FAM219A: variants seen among roughly 807,000 people sequenced by gnomAD.
FAM219A encodes family with sequence similarity 219 member A.
Under a neutral mutation model 23.4 loss-of-function variants are expected in FAM219A, and 7 were observed. The ratio of observed to expected loss-of-function variants is 0.30; its 90% confidence interval spans 0.17 to 0.56. The LOEUF (loss-of-function observed/expected upper bound fraction) is 0.56. Among genes scored for constraint, FAM219A ranks in the 20% least tolerant of loss-of-function variants. The pLI is 0.92. For missense variants in FAM219A, 166 were observed against 246.9 expected (o/e 0.67, Z 2.20); for synonymous variants, 93 against 99.0 (o/e 0.94, Z 0.36).
intron 1 of FAM219A, among the ~76,000 whole-genome samples, chr9:34,447,011 C>T (rs914664670): frequency 2.6e-5 from 4 of 152,188 alleles, no homozygotes; most frequent in African/African-American, 9.7e-5. Flanking sequence ...AGCACTAGCT[C>T]GCTTTAAAGG....
rs115327522 is a variant in FAM219A, at chr9:34,416,916, C to T, written c.61-10952G>A. Among the ~76,000 whole-genome samples, 737 of 149,590 alleles carry T rather than the reference C, an allele frequency of 4.9e-3. 6 individuals carry two copies. The highest frequency in any genetic ancestry group is 0.017 in the African/African-American group (694 of 40,582). ...AATCATAGCTTACTACAGCCTTGAA[C>T]TCCTGGACTCAAGTGATCCTACTAC... On this transcript the variant is annotated intron_variant, in intron 1 of 5. Coordinates refer to ENST00000651358, the MANE Select transcript of FAM219A (RefSeq NM_001184940.2).
intron 1 of FAM219A, among the ~76,000 whole-genome samples, chr9:34,443,561 C>T (rs886428269): frequency 1.3e-4 from 20 of 152,212 alleles, no homozygotes; most frequent in African/African-American, 4.8e-4. Flanking sequence ...ATCATCAACC[C>T]TTAGACCAGA....
At chr9:34,426,858 G>C (rs916427850) in intron 1 of FAM219A, among the ~76,000 whole-genome samples, 1 of 152,138 alleles carries the variant, frequency 6.6e-6, no homozygotes, top group African/African-American at 2.4e-5. Flanking sequence ...GTGATCCCCA[G>C]GTTGGGGCTA....
At chr9:34,441,112 C>G (rs1823155784) in intron 1 of FAM219A, among the ~76,000 whole-genome samples, 1 of 152,172 alleles carries the variant, frequency 6.6e-6, no homozygotes, top group East Asian at 1.9e-4. Flanking sequence ...TCCCTTCCCC[C>G]AACCTCTCCC....
At chr9:34,410,695 G>T (rs947587705) in intron 1 of FAM219A, among the ~76,000 whole-genome samples, 4 of 151,114 alleles carry the variant, frequency 2.6e-5, no homozygotes, top group Admixed American at 6.6e-5. Context: ...GTGCCAAGGG[G>T]ATGCTCTGAC....
chr9:34,405,809 A>G, intron 2 of FAM219A, 56 bp downstream of exon 2: 1 of 1,545,074 alleles, frequency 6.5e-7, no homozygotes, highest in Non-Finnish European at 8.9e-7. Flanking sequence ...TTGTAGACCC[A>G]GCCCAGAGTA....
intron 1 of FAM219A, among the ~76,000 whole-genome samples, chr9:34,439,893 C>G (rs1233859755): frequency 1.3e-5 from 2 of 152,210 alleles, no homozygotes; most frequent in African/African-American, 2.4e-5. Context: ...ACACGGGGCA[C>G]TCCTGCTACT....
At position 34,445,559 on chromosome 9, in the gene FAM219A, G is replaced by A. The variant is rs1407399124; in HGVS notation, c.60+12645C>T. ...GTGCCAATAGGTGAAAGAAGGTGAA[G>A]GACATGGCTGGACTTACTAGAAAGA... On this transcript the variant is annotated intron_variant, in intron 1 of 5. Coordinates refer to ENST00000651358, the MANE Select transcript of FAM219A (RefSeq NM_001184940.2). Among the ~76,000 whole-genome samples the A allele has an allele frequency of 7.5e-4, 114 of 152,178 alleles. 1 individual carries two copies. Among genetic ancestry groups the A allele is most frequent in the Non-Finnish European group, 7.3e-5 (5 of 68,038 alleles).
intron 1 of FAM219A, among the ~76,000 whole-genome samples, chr9:34,438,471 C>G (rs11794968): frequency 0.16 from 24,044 of 152,226 alleles, 2,389 homozygotes; most frequent in East Asian, 0.34. Context: ...CTACACCAAT[C>G]AGCACCCTGT....
At chr9:34,423,194 A>G (rs1401403099) in intron 1 of FAM219A, among the ~76,000 whole-genome samples, 2 of 152,142 alleles carry the variant, frequency 1.3e-5, no homozygotes, top group African/African-American at 2.4e-5. Context: ...GCCCATGAAG[A>G]GCTCATAAGC....
intron 1 of FAM219A, among the ~76,000 whole-genome samples, chr9:34,426,398 C>T (rs1822473483): frequency 6.6e-6 from 1 of 152,140 alleles, no homozygotes; most frequent in Non-Finnish European, 1.5e-5. Context: ...AATCCCAGAT[C>T]CTAGTCTATA....
intron 1 of FAM219A, among the ~76,000 whole-genome samples, chr9:34,450,331 G>T (rs1289602530): frequency 6.6e-6 from 1 of 151,668 alleles, no homozygotes; most frequent in Non-Finnish European, 1.5e-5. Flanking sequence ...AAAGTGGGGG[G>T]AACTATAATT....
chr9:34,412,904 A>G (rs1225241682), intron 1 of FAM219A, among the ~76,000 whole-genome samples: 2 of 152,220 alleles, frequency 1.3e-5, no homozygotes, highest in African/African-American at 4.8e-5. Context: ...AAGCAGACAG[A>G]GTGACCACAG....
Position 34,457,522 on chromosome 9 carries a change from G to C in FAM219A, c.60+682C>G, listed in dbSNP as rs573195681. ...CAGTGCGCACAGGCAGCTCCAGCGC[G>C]ACCCCACTTCCTCTCCCGTCGGTTC... is the stretch of plus-strand genomic sequence containing the variant. On this transcript the variant is annotated intron_variant, in intron 1 of 5. Transcript: ENST00000651358. The surrounding 1 kb of genome is among the most constrained non-coding windows in gnomAD (Gnocchi z 5.1). 6.5e-6 allele frequency: 1 copy of C among 152,812 alleles called. No individual in the cohort carries two copies. The highest frequency in any genetic ancestry group is 1.9e-4 in the East Asian group (1 of 5,186). 9.5% of individuals were successfully genotyped at this position (152,812 alleles called of 1,614,324 possible). A position where few individuals can be genotyped will look rare whatever the true frequency, so the allele number is the denominator to read the frequency against.
chr9:34,439,361 A>C (rs953258957), intron 1 of FAM219A, among the ~76,000 whole-genome samples: 2 of 152,216 alleles, frequency 1.3e-5, no homozygotes, highest in Admixed American at 1.3e-4. Flanking sequence ...CAATTCATTC[A>C]GTCATTCATT....
In FAM219A at chr9:34,404,528, C is replaced by T. The variant is rs1339850109; in HGVS notation, c.160+1337G>A. 5.9e-5 allele frequency among the ~76,000 whole-genome samples: 9 copies of T among 152,194 alleles called. No homozygotes were observed. The South Asian group carries it at 1.9e-3, about 32-fold the overall frequency. The stretch of plus-strand genomic sequence containing the variant: ...TTCCAGACCAGCCTGGCCAACATGG[C>T]GAAAGCCTATCTTTACTAAAAATAC... On this transcript the variant is annotated intron_variant, in intron 2 of 5. Coordinates refer to ENST00000651358, the MANE Select transcript of FAM219A (RefSeq NM_001184940.2).
chr9:34,408,704 C>T (rs1442145816), intron 1 of FAM219A, among the ~76,000 whole-genome samples: 2 of 152,160 alleles, frequency 1.3e-5, no homozygotes, highest in African/African-American at 2.4e-5. Flanking sequence ...GCCCTGATGT[C>T]TCCTATAGTT....
Position 34,402,792 on chromosome 9 carries a change from A to G in FAM219A, c.176T>C (p.Leu59Pro). The change falls in exon 3 of 6, where the codon CTG becomes CCG. Residue 59 changes from leucine (L) to proline (P), a missense_variant. Physicochemically the swap from Leu to Pro is moderately conservative, Grantham distance 98. This residue lies in a region of FAM219A where 89 missense variants were observed against 98.8 expected (regional missense o/e 0.90). Coordinates refer to ENST00000651358, the MANE Select transcript of FAM219A (RefSeq NM_001184940.2). ...ATTCTTCAGGGAGCCCTTCCGGGCCAGCTCCCGCTGCTTCTCTGCAGGAGA... is the reference window on the plus strand; with the variant it reads ...ATTCTTCAGGGAGCCCTTCCGGGCCGGCTCCCGCTGCTTCTCTGCAGGAGA... ...LQVKLEKQRE[L>P]ARKGSLKNGS... The G allele has an allele frequency of 1.2e-6, 2 of 1,614,184 alleles. No individual in the cohort carries two copies. Among genetic ancestry groups the G allele is most frequent in the Non-Finnish European group, 1.7e-6 (2 of 1,180,012 alleles).
chr9:34,441,409 ACACT>A (rs1348997471), intron 1 of FAM219A, among the ~76,000 whole-genome samples: 2 of 152,232 alleles, frequency 1.3e-5, no homozygotes, highest in African/African-American at 4.8e-5. Context: ...CAGTGAGAAC[ACACT>A]CAGTAAGGAC....
Sources: gnomAD v4.1 joint callset for allele counts (sites outside exome capture counted in the v4.1 genomes callset) on GRCh38, gnomAD v4.1.1 for gene constraint, gnomAD v4.1.1 regional missense constraint, Gnocchi (gnomAD v3.1) non-coding constraint, MANE v1.5 for transcripts, NCBI Gene and HGNC (gene_info 2026-07-23, HGNC 2026-07-21) for gene names.